Variants in VPS13A observed in about 807,000 individuals in gnomAD.
The protein encoded by VPS13A is vacuolar protein sorting 13 homolog A.
In VPS13A, 264 loss-of-function variants were observed where a neutral mutation model predicts 390.9. The observed-to-expected ratio is 0.68, with a 90% CI of 0.61 to 0.75. VPS13A has a LOEUF of 0.75. VPS13A is among the 30% of genes least tolerant of loss of function. The probability of loss-of-function intolerance (pLI) is 0.00; values close to 1 mark genes in which losing one functional copy is unlikely to be tolerated. For missense variants in VPS13A, 3,409 were observed against 3,733.9 expected, an observed-to-expected ratio of 0.91 and a Z score of 2.27; for synonymous variants, 1,231 against 1,227.1, an observed-to-expected ratio of 1.00 and a Z score of -0.07.
At chr9:77,339,184 T>G (rs1830687657) in intron 47 of VPS13A, 1 of 263,308 alleles carries the variant, frequency 3.8e-6, no homozygotes, top group Non-Finnish European at 7.2e-6. Flanking sequence ...TGGTTAAGAT[T>G]GTCTTTTTGT....
At chr9:77,387,491 G>A (rs2131623604) in intron 68 of VPS13A, among the ~76,000 whole-genome samples, 1 of 152,316 alleles carries the variant, frequency 6.6e-6, no homozygotes, top group African/African-American at 2.4e-5. Context: ...ATTACCTGGA[G>A]ATTCCTTATT....
intron 54 of VPS13A, among the ~76,000 whole-genome samples, chr9:77,355,425 C>A (rs1249891780): frequency 6.6e-6 from 1 of 152,224 alleles, no homozygotes; most frequent in Non-Finnish European, 1.5e-5. Flanking sequence ...TGTCTTCTCT[C>A]AACTGCTTAC....
intron 12 of VPS13A, 101 bp downstream of exon 12, chr9:77,220,484 G>A: frequency 1.2e-6 from 1 of 812,676 alleles, no homozygotes; most frequent in Non-Finnish European, 2.0e-6. Flanking sequence ...CCATTTTTAA[G>A]GTCTGATACA....
intron 1 of VPS13A, among the ~76,000 whole-genome samples, chr9:77,185,646 A>T (rs1307159043): frequency 6.6e-6 from 1 of 152,062 alleles, no homozygotes; most frequent in Non-Finnish European, 1.5e-5. Flanking sequence ...CTGTTTTGTT[A>T]TACTTGTTTC....
chr9:77,279,185 G>A (rs916717809), intron 26 of VPS13A, among the ~76,000 whole-genome samples: 1 of 152,204 alleles, frequency 6.6e-6, no homozygotes, highest in African/African-American at 2.4e-5. Flanking sequence ...TGACATGTGG[G>A]CTGGAAGGAT....
chr9:77,333,392 T>C (rs1405248634), intron 46 of VPS13A, among the ~76,000 whole-genome samples: 1 of 151,962 alleles, frequency 6.6e-6, no homozygotes, highest in Admixed American at 6.6e-5. Flanking sequence ...AGTAGAATTA[T>C]TAGTGACTAA....
At chr9:77,292,439 A>G (rs1827732364) in intron 31 of VPS13A, among the ~76,000 whole-genome samples, 1 of 152,062 alleles carries the variant, frequency 6.6e-6, no homozygotes, top group Non-Finnish European at 1.5e-5. Context: ...AATGGTTTTA[A>G]GAAAGTTATG....
At chr9:77,208,424 G>A (rs1825798021) in intron 5 of VPS13A, among the ~76,000 whole-genome samples, 1 of 152,060 alleles carries the variant, frequency 6.6e-6, no homozygotes, top group Non-Finnish European at 1.5e-5. Flanking sequence ...AAGAGGAACA[G>A]AATTAGAAAT....
chr9:77,310,443 G>A (rs1829006497), intron 35 of VPS13A, among the ~76,000 whole-genome samples: 1 of 152,206 alleles, frequency 6.6e-6, no homozygotes, highest in Admixed American at 6.5e-5. Flanking sequence ...AGACAGGAAA[G>A]TGTTTTCTGC....
intron 55 of VPS13A, among the ~76,000 whole-genome samples, chr9:77,357,488 G>T (rs1178889764): frequency 6.6e-6 from 1 of 150,836 alleles, no homozygotes; most frequent in Non-Finnish European, 1.5e-5. Context: ...GTAAATTTTA[G>T]TACATTTATG....
intron 19 of VPS13A, among the ~76,000 whole-genome samples, chr9:77,240,991 T>C (rs1219775100): frequency 1.3e-5 from 2 of 152,190 alleles, no homozygotes; most frequent in African/African-American, 2.4e-5. Context: ...CGCAATTTGG[T>C]GTATCCAGCT....
chr9:77,178,087 T>C, intron 1 of VPS13A: 1 of 377,848 alleles, frequency 2.6e-6, no homozygotes, highest in Non-Finnish European at 5.0e-6. Context: ...TCCGTGGGTC[T>C]GGCGTTCAAG....
intron 19 of VPS13A, among the ~76,000 whole-genome samples, chr9:77,242,094 T>C (rs1824532066): frequency 6.6e-6 from 1 of 152,198 alleles, no homozygotes; most frequent in South Asian, 2.1e-4. Flanking sequence ...ATTCTGGTTT[T>C]GTTAAGCCTG....
chr9:77,381,214 A>C (rs1191475648), intron 67 of VPS13A, among the ~76,000 whole-genome samples: 1 of 152,164 alleles, frequency 6.6e-6, no homozygotes. Flanking sequence ...CATGGGGCTC[A>C]AACTATCCTC....
Position 77,237,999 on chromosome 9 carries a change from C to T in VPS13A, c.1596-3C>T. ...TGACTTTTTTCTTTTTTTTTTAATG[C>T]AGATTTGAAACTAAAATAGATTCAT... is the stretch of plus-strand genomic sequence containing the variant. On this transcript the variant is annotated splice_polypyrimidine_tract_variant and splice_region_variant and intron_variant, in intron 17 of 71. Coordinates refer to ENST00000360280, the MANE Select transcript of VPS13A (RefSeq NM_033305.3). 4 of 1,585,336 alleles carry T rather than the reference C, an allele frequency of 2.5e-6. No homozygotes were observed. Among genetic ancestry groups the T allele is most frequent in the Non-Finnish European group, 3.4e-6 (4 of 1,160,352 alleles).
At chr9:77,370,002 A>C (rs1448902360) in intron 63 of VPS13A, among the ~76,000 whole-genome samples, 1 of 152,186 alleles carries the variant, frequency 6.6e-6, no homozygotes, top group Non-Finnish European at 1.5e-5. Flanking sequence ...ATATGGACCA[A>C]GCACCTTTCT....
intron 22 of VPS13A, 131 bp from the exon 23 acceptor site, chr9:77,259,955 A>C (rs965221386): frequency 1.5e-6 from 1 of 688,072 alleles, no homozygotes. Context: ...GGTAAGACGG[A>C]AATTGGAATA....
At chr9:77,293,202 G>T in intron 31 of VPS13A, 139 bp from the exon 32 acceptor site, 2 of 705,938 alleles carry the variant, frequency 2.8e-6, no homozygotes, top group South Asian at 2.1e-5. Context: ...CAGTAGAATT[G>T]TTGCCTCATT....
chr9:77,209,114 A>G lies in VPS13A; in HGVS notation c.386-309A>G, dbSNP rs138985071. ...TTAGTGGATTTTCTCATTTAAGTCT[A>G]TTGTAATTCTTACCCAATAATCTTC... On this transcript the variant is annotated intron_variant, in intron 5 of 71. Transcript: ENST00000360280. Among the ~76,000 whole-genome samples, 755 of 152,274 alleles carry G rather than the reference A, an allele frequency of 5.0e-3. 6 individuals carry two copies. The highest frequency in any genetic ancestry group is 0.017 in the African/African-American group (696 of 41,548).
Sources: allele counts gnomAD v4.1 joint callset (sites outside exome capture counted in the v4.1 genomes callset), GRCh38; gene constraint gnomAD v4.1.1; transcripts MANE v1.5; gene names NCBI Gene and HGNC (gene_info 2026-07-23, HGNC 2026-07-21).